Variants in KAZN observed in about 807,000 individuals in gnomAD.
KAZN encodes kazrin.
A neutral mutation model predicts 87.4 loss-of-function variants in KAZN; 40 were observed. That is an observed-to-expected ratio of 0.46 (90% CI 0.36 to 0.60). The LOEUF is 0.60. Ranked by LOEUF, KAZN falls within the 20% of genes least tolerant of loss-of-function variation. The pLI is 0.00. For synonymous variants in KAZN, 466 were observed against 458.3 expected, an observed-to-expected ratio of 1.02 and a Z score of -0.22; for missense variants, 898 against 1,073.9, an observed-to-expected ratio of 0.84 and a Z score of 2.29.
At chr1:14,985,159 G>T (rs1383446493) in intron 2 of KAZN, among the ~76,000 whole-genome samples, 1 of 150,614 alleles carries the variant, frequency 6.6e-6, no homozygotes, top group Non-Finnish European at 1.5e-5. Flanking sequence ...AAATGGTGGG[G>T]TCGGGGAGGA....
chr1:14,342,918 A>G (rs1657840942), intron 2 of KAZN, among the ~76,000 whole-genome samples: 1 of 152,150 alleles, frequency 6.6e-6, no homozygotes, highest in African/African-American at 2.4e-5. Context: ...AGTTGGGAGA[A>G]TCACCTGAGG....
chr1:14,823,029 C>T (rs1417108903), intron 1 of KAZN, among the ~76,000 whole-genome samples: 4 of 152,086 alleles, frequency 2.6e-5, no homozygotes, highest in South Asian at 2.1e-4. Context: ...AGGTTCTCTT[C>T]GAAAGCAGGA....
intron 2 of KAZN, among the ~76,000 whole-genome samples, chr1:14,339,590 C>T (rs948201393): frequency 2.0e-5 from 3 of 152,168 alleles, no homozygotes; most frequent in African/African-American, 7.2e-5. Flanking sequence ...AACTGATATT[C>T]GAGCTCAAAG....
At chr1:15,059,732 G>C (rs1638620537) in intron 5 of KAZN, among the ~76,000 whole-genome samples, 2 of 152,194 alleles carry the variant, frequency 1.3e-5, no homozygotes, top group Admixed American at 1.3e-4. Flanking sequence ...GCAGTGGTTA[G>C]GATTGCACCA....
intron 1 of KAZN, among the ~76,000 whole-genome samples, chr1:14,909,386 C>A (rs933287529): frequency 6.6e-6 from 1 of 152,176 alleles, no homozygotes; most frequent in Non-Finnish European, 1.5e-5. Context: ...GTCTTGGAGA[C>A]CCCTTAACAG....
intron 1 of KAZN, among the ~76,000 whole-genome samples, chr1:13,975,715 C>T (rs564340574): frequency 2.6e-5 from 4 of 152,262 alleles, no homozygotes; most frequent in Admixed American, 2.0e-4. Flanking sequence ...AATTGTCTCC[C>T]CTACCAGATC....
intron 1 of KAZN, among the ~76,000 whole-genome samples, chr1:14,121,626 A>T (rs1644753631): frequency 6.6e-6 from 1 of 152,208 alleles, no homozygotes; most frequent in Non-Finnish European, 1.5e-5. Context: ...CATGAATAAG[A>T]TGCCCAAAGA....
intron 1 of KAZN, among the ~76,000 whole-genome samples, chr1:14,887,368 A>G (rs1056805009): frequency 2.0e-5 from 3 of 152,170 alleles, no homozygotes; most frequent in Non-Finnish European, 2.9e-5. Context: ...ATGTTCCCAG[A>G]TGTGGCATGG....
intron 2 of KAZN, among the ~76,000 whole-genome samples, chr1:14,573,753 T>C (rs1451435655): frequency 2.6e-5 from 4 of 152,176 alleles, no homozygotes; most frequent in Non-Finnish European, 4.4e-5. Flanking sequence ...ATCAGGCACA[T>C]AGCATTCTCA....
At position 14,806,161 on chromosome 1, in the gene KAZN, G is replaced by A. The variant is rs114645776; in HGVS notation, c.227-154523G>A. Among the ~76,000 whole-genome samples, 284 of 152,264 alleles carry A rather than the reference G, an allele frequency of 1.9e-3. 1 individual carries two copies. Among genetic ancestry groups the A allele is most frequent in the African/African-American group, 6.5e-3 (270 of 41,556 alleles). ...TCCCCAGGGTTCCTCTGGCCTTTAG[G>A]GAAAAGCCTGAAGCTCCTCAAGGGT... On this transcript the variant is annotated intron_variant, in intron 1 of 14. Coordinates refer to ENST00000376030, the MANE Select transcript of KAZN (RefSeq NM_201628.3).
chr1:14,301,655 A>G (rs1316489776), intron 2 of KAZN, among the ~76,000 whole-genome samples: 1 of 152,214 alleles, frequency 6.6e-6, no homozygotes, highest in Non-Finnish European at 1.5e-5. Context: ...CAGCAGCAGG[A>G]AGCATGCATT....
At chr1:14,409,690 A>G (rs1187891688) in intron 2 of KAZN, among the ~76,000 whole-genome samples, 1 of 152,200 alleles carries the variant, frequency 6.6e-6, no homozygotes, top group Non-Finnish European at 1.5e-5. Flanking sequence ...GCTGAAAATG[A>G]GCTTTCAATC....
chr1:14,688,087 G>A (rs926618937), intron 1 of KAZN, among the ~76,000 whole-genome samples: 4 of 152,248 alleles, frequency 2.6e-5, no homozygotes, highest in Admixed American at 6.5e-5. Context: ...TGCCCTAGAC[G>A]TCTCTACTCC....
chr1:14,798,497 G>C (rs560375428), intron 1 of KAZN, among the ~76,000 whole-genome samples: 1 of 44,446 alleles, frequency 2.2e-5, no homozygotes. Flanking sequence ...GCCCTATCTC[G>C]GCTCACTGCA....
chr1:14,473,361 G>T (rs1668552474), intron 2 of KAZN, among the ~76,000 whole-genome samples: 1 of 152,190 alleles, frequency 6.6e-6, no homozygotes, highest in Admixed American at 6.5e-5. Context: ...GGGCGTGGTG[G>T]CTCACGCCTG....
In KAZN at chr1:14,599,482, C is replaced by T. The variant is rs1676775561; in HGVS notation, c.226+259C>T. Among the ~76,000 whole-genome samples, 1 of 152,288 alleles carries T rather than the reference C, an allele frequency of 6.6e-6. No homozygotes were observed. The highest frequency in any genetic ancestry group is 2.1e-4 in the South Asian group (1 of 4,824). ...CCGGCCAGCCTGAGCGAGGCGCAGC[C>T]GGCGGGTCCCTTCCGGCATCAGAAA... On this transcript the variant is annotated intron_variant, in intron 1 of 14. Transcript: ENST00000376030. This position sits in a 1 kb window ranked among gnomAD's most constrained non-coding sequence, Gnocchi z 4.4.
intron 1 of KAZN, among the ~76,000 whole-genome samples, chr1:14,834,819 A>C (rs958947753): frequency 6.6e-6 from 1 of 152,128 alleles, no homozygotes; most frequent in Non-Finnish European, 1.5e-5. Context: ...TATTAGTATT[A>C]GTATTAGTAT....
At chr1:14,743,429 CAA>C (rs34732365) in intron 1 of KAZN, among the ~76,000 whole-genome samples, 7 of 135,474 alleles carry the variant, frequency 5.2e-5, no homozygotes, top group Non-Finnish European at 4.8e-5. Context: ...GACTCTGTCT[CAA>C]AAAAAAAAAA....
intron 1 of KAZN, among the ~76,000 whole-genome samples, chr1:14,909,497 G>A (rs1237106959): frequency 6.6e-6 from 1 of 152,178 alleles, no homozygotes; most frequent in Non-Finnish European, 1.5e-5. Flanking sequence ...GCCTGAGTCT[G>A]TTACTGCCTC....
Sources: allele counts gnomAD v4.1 joint callset (sites outside exome capture counted in the v4.1 genomes callset), GRCh38; gene constraint gnomAD v4.1.1; non-coding constraint Gnocchi (gnomAD v3.1); transcripts MANE v1.5; gene names NCBI Gene and HGNC (gene_info 2026-07-23, HGNC 2026-07-21).